SLC35F4: variants seen among roughly 807,000 people sequenced by gnomAD.
The protein encoded by SLC35F4 is solute carrier family 35 member F4.
SLC35F4 carries 24 observed loss-of-function variants against 44.2 expected under a neutral mutation model. The ratio of observed to expected loss-of-function variants is 0.54; its 90% CI spans 0.39 to 0.76. SLC35F4 has a LOEUF of 0.76. Among genes scored for constraint, SLC35F4 ranks in the 30% least tolerant of loss-of-function variants. The pLI is 0.00. For missense variants in SLC35F4, 562 were observed against 586.1 expected (o/e 0.96, Z 0.42); for synonymous variants, 238 against 223.6 (o/e 1.06, Z -0.57).
chr14:57,657,078 A>G (rs1158892736), intron 1 of SLC35F4, among the ~76,000 whole-genome samples: 2 of 152,218 alleles, frequency 1.3e-5, no homozygotes, highest in Non-Finnish European at 2.9e-5. Context: ...TGAGTCAGAA[A>G]ACACAAGTTC....
intron 1 of SLC35F4, among the ~76,000 whole-genome samples, chr14:57,940,277 T>A (rs771400465): frequency 6.6e-6 from 1 of 152,208 alleles, no homozygotes; most frequent in African/African-American, 2.4e-5. Flanking sequence ...TTGATGAGAA[T>A]GGGTTTTTTG....
At chr14:57,907,304 T>C (rs1889119786) in intron 1 of SLC35F4, among the ~76,000 whole-genome samples, 1 of 152,192 alleles carries the variant, frequency 6.6e-6, no homozygotes, top group African/African-American at 2.4e-5. Context: ...AACTTTCATA[T>C]GCACTGGAAA....
rs113461851 is a variant in SLC35F4, at chr14:57,813,216, A to G, written c.103+52507T>C. ...TATCATGGCCCAACTCCACCCCAAC[A>G]CCACGCCCTACTGGGGCACTCTGCA... is the stretch of plus-strand genomic sequence containing the variant. On this transcript the variant is annotated intron_variant, in intron 1 of 7. Transcript: ENST00000556826. 7.4e-3 allele frequency among the ~76,000 whole-genome samples: 1,123 copies of G among 152,224 alleles called. 7 individuals carry two copies. The highest frequency in any genetic ancestry group is 0.01 in the Non-Finnish European group (686 of 68,028).
At chr14:57,732,162 TTC>T (rs1366359554) in intron 1 of SLC35F4, among the ~76,000 whole-genome samples, 2 of 152,218 alleles carry the variant, frequency 1.3e-5, no homozygotes, top group Non-Finnish European at 2.9e-5. Context: ...TATTAAATTT[TTC>T]TGTTTTGAGC....
intron 1 of SLC35F4, among the ~76,000 whole-genome samples, chr14:57,689,775 AT>A (rs2075173903): frequency 6.6e-6 from 1 of 151,740 alleles, no homozygotes; most frequent in Non-Finnish European, 1.5e-5. Flanking sequence ...ATTAGGAGAT[AT>A]ATCTAATGTA....
chr14:57,905,893 G>T (rs576107584), intron 1 of SLC35F4, among the ~76,000 whole-genome samples: 2 of 152,218 alleles, frequency 1.3e-5, no homozygotes, highest in Admixed American at 1.3e-4. Context: ...ATGGGCAGAA[G>T]GGAAAGCAAG....
chr14:57,885,187 T>C (rs1052920370), intron 1 of SLC35F4, among the ~76,000 whole-genome samples: 2 of 152,298 alleles, frequency 1.3e-5, no homozygotes, highest in Admixed American at 6.5e-5. Context: ...AAATGCATAC[T>C]CTGGACCTAG....
intron 1 of SLC35F4, among the ~76,000 whole-genome samples, chr14:57,705,286 G>A (rs11846100): frequency 1.3e-5 from 2 of 151,934 alleles, no homozygotes; most frequent in Non-Finnish European, 2.9e-5. Context: ...GGGCCAGAAG[G>A]TAGAATATAT....
chr14:57,875,207 T>C (rs1888374114), intron 1 of SLC35F4, among the ~76,000 whole-genome samples: 1 of 152,228 alleles, frequency 6.6e-6, no homozygotes, highest in South Asian at 2.1e-4. Context: ...TGTTTACTTG[T>C]TTCTTCATTG....
At position 57,909,949 on chromosome 14, in the gene SLC35F4, G is replaced by C. The variant is rs182565282; in HGVS notation, n.282+71964C>G. On this transcript the variant is annotated intron_variant and non_coding_transcript_variant, in intron 1 of 1. Coordinates refer to the SLC35F4 transcript ENST00000556568. ...TCATTCCTGTCAGCAATGAATGAGA[G>C]TTCAGAATTTGGTGTTATCAGTGCT... 1.3e-3 allele frequency among the ~76,000 whole-genome samples: 195 copies of C among 152,220 alleles called. 2 individuals carry two copies. The highest frequency in any genetic ancestry group is 2.1e-3 in the Non-Finnish European group (145 of 67,956).
intron 1 of SLC35F4, among the ~76,000 whole-genome samples, chr14:57,855,802 A>G (rs1887028507): frequency 6.6e-6 from 1 of 152,202 alleles, no homozygotes; most frequent in Non-Finnish European, 1.5e-5. Context: ...ATGTCCATCA[A>G]TGATAGACTG....
At chr14:57,645,629 G>A (rs907769823) in intron 1 of SLC35F4, among the ~76,000 whole-genome samples, 3 of 151,076 alleles carry the variant, frequency 2.0e-5, no homozygotes, top group Non-Finnish European at 3.0e-5. Flanking sequence ...TCTCCTGCCT[G>A]ATTGCCCTGA....
chr14:57,863,568 T>C (rs574772466), intron 1 of SLC35F4, among the ~76,000 whole-genome samples: 1 of 152,344 alleles, frequency 6.6e-6, no homozygotes, highest in East Asian at 1.9e-4. Context: ...CCCTAAGCTG[T>C]TGCTCATTCC....
chr14:57,606,127 A>G (rs2071150008), intron 1 of SLC35F4, among the ~76,000 whole-genome samples: 1 of 152,202 alleles, frequency 6.6e-6, no homozygotes, highest in South Asian at 2.1e-4. Context: ...AAGTTGAAAA[A>G]AGAAAAGTCT....
chr14:57,611,990 C>G (rs1027553174), intron 1 of SLC35F4, among the ~76,000 whole-genome samples: 1 of 152,200 alleles, frequency 6.6e-6, no homozygotes, highest in African/African-American at 2.4e-5. Context: ...TAATCTCCAG[C>G]TTTTCCTTGA....
chr14:57,689,920 C>T (rs1231930659), intron 1 of SLC35F4, among the ~76,000 whole-genome samples: 1 of 152,082 alleles, frequency 6.6e-6, no homozygotes, highest in Non-Finnish European at 1.5e-5. Context: ...AAAGATACAG[C>T]TCAAATTTTG....
In SLC35F4 at chr14:57,873,836, G is replaced by T. The variant is rs117040185; in HGVS notation, n.282+108077C>A. Among the ~76,000 whole-genome samples, 140 of 152,008 alleles carry T rather than the reference G, an allele frequency of 9.2e-4. 3 individuals are homozygous for T. The East Asian group carries it at 0.027, about 29-fold the overall frequency. Reference sequence around the variant, plus strand: ...TATGTGCAATGTGCTGGAGTGTGCCGCCTGCCTGCACACCATCTTTTTAGC... The same window carrying T: ...TATGTGCAATGTGCTGGAGTGTGCCTCCTGCCTGCACACCATCTTTTTAGC... On this transcript the variant is annotated intron_variant and non_coding_transcript_variant, in intron 1 of 1. Coordinates refer to the SLC35F4 transcript ENST00000556568.
At chr14:57,635,099 G>A (rs1011560503) in intron 1 of SLC35F4, among the ~76,000 whole-genome samples, 3 of 151,850 alleles carry the variant, frequency 2.0e-5, no homozygotes, top group Non-Finnish European at 4.4e-5. Context: ...AAAAGAAATT[G>A]GTAAGGTGTG....
At chr14:57,840,137 A>G (rs1168341233) in intron 1 of SLC35F4, among the ~76,000 whole-genome samples, 3 of 152,188 alleles carry the variant, frequency 2.0e-5, no homozygotes, top group East Asian at 1.9e-4. Context: ...TTTAATATTC[A>G]TATTTCCAAA....
Sources: allele counts gnomAD v4.1 joint callset (sites outside exome capture counted in the v4.1 genomes callset), GRCh38; gene constraint gnomAD v4.1.1; transcripts MANE v1.5; gene names NCBI Gene and HGNC (gene_info 2026-07-23, HGNC 2026-07-21).